NACC1: variants seen among roughly 807,000 people sequenced by gnomAD.
NACC1 encodes nucleus accumbens associated 1.
In NACC1, 6 loss-of-function variants were observed where a neutral mutation model predicts 41.7. The observed-to-expected ratio is 0.14, with a 90% CI of 0.08 to 0.28. NACC1 has a LOEUF of 0.28. Among genes scored for constraint, NACC1 ranks in the 10% least tolerant of loss-of-function variants. The pLI, the probability that NACC1 is intolerant of heterozygous loss-of-function variation, is 1.00. For synonymous variants in NACC1, 338 were observed against 330.6 expected (o/e 1.02, Z -0.24); for missense variants, 434 against 763.7 (o/e 0.57, Z 5.09).
rs1156826539 is a variant in NACC1, at chr19:13,138,200, G to A, written c.1378G>A (p.Ala460Thr). The change falls in exon 6 of 6, where the codon GCG becomes ACG. Residue 460 changes from alanine to threonine, a missense_variant. Ala to Thr is a moderately conservative substitution (Grantham distance 58). Coordinates refer to ENST00000292431, the MANE Select transcript of NACC1 (RefSeq NM_052876.4). This position sits in a 1 kb window ranked among gnomAD's most constrained non-coding sequence, Gnocchi z 5.7. ...NFKESEMNAIAADMCTNARRV... is the reference protein window; with the variant it reads ...NFKESEMNAITADMCTNARRV... ...CAAGGAGAGCGAGATGAATGCCATC[G>A]CGGCCGACATGTGCACCAACGCCCG... 6.2e-7 allele frequency: 1 copy of A among 1,614,174 alleles called. No individual in the cohort carries two copies. The highest frequency in any genetic ancestry group is 8.5e-7 in the Non-Finnish European group (1 of 1,180,028).
At chr19:13,129,533 G>A (rs2019605540) in intron 1 of NACC1, among the ~76,000 whole-genome samples, 1 of 152,222 alleles carries the variant, frequency 6.6e-6, no homozygotes, top group African/African-American at 2.4e-5. Context: ...TGTCCACTCT[G>A]TGCGGGGGCC....
intron 1 of NACC1, among the ~76,000 whole-genome samples, chr19:13,128,715 C>T (rs1407803443): frequency 6.6e-6 from 1 of 152,246 alleles, no homozygotes; most frequent in African/African-American, 2.4e-5. Context: ...CTGTCTCCTG[C>T]TGGACTGTGA....
At chr19:13,130,423 C>T (rs1173460428) in intron 1 of NACC1, among the ~76,000 whole-genome samples, 3 of 151,818 alleles carry the variant, frequency 2.0e-5, no homozygotes, top group African/African-American at 7.3e-5. Flanking sequence ...TACTGAGCAT[C>T]TATTTCATTC....
rs2019741467 is a variant in NACC1, at chr19:13,138,626, A to AAC, written c.*227_*228dup. On this transcript the variant is annotated 3_prime_UTR_variant, in exon 6 of 6. Transcript: ENST00000292431. The surrounding 1 kb of genome is among the most constrained non-coding windows in gnomAD (Gnocchi z 5.7). ...GCGTGAGGTCCGTGTTGCCTTCTTT[A>AAC]ACACACACTCGTGCAGTGGGGGAGT... 1.6e-6 allele frequency: 1 copy of AAC among 634,060 alleles called. No homozygotes were observed. The highest frequency in any genetic ancestry group is 1.8e-5 in the African/African-American group (1 of 54,128). The allele number at this position is 634,060 out of a possible 1,614,324, so 39.3% of individuals were successfully genotyped here. A position where few individuals can be genotyped will look rare whatever the true frequency, so the allele number is the denominator to read the frequency against.
chr19:13,130,052 G>C (rs781082519), intron 1 of NACC1, among the ~76,000 whole-genome samples: 36 of 151,980 alleles, frequency 2.4e-4, no homozygotes, highest in African/African-American at 7.2e-4. Context: ...TGGGGTAGTG[G>C]GGTCGGGGGA....
chr19:13,137,290 A>G lies in NACC1; in HGVS notation c.1140A>G (p.Thr380=). ...CACCAGGCACCAACGTGTACATCAC[A>G]AGGGCGCAGCTGATGAACTGCCACG... ...ELVTGTNVYI[T]RAQLMNCHVS... is the part of the protein sequence containing the mutation. Residue 380 remains threonine, a synonymous_variant, in exon 4 of 6, where the codon ACA becomes ACG. Transcript: ENST00000292431. The surrounding 1 kb of genome is among the most constrained non-coding windows in gnomAD (Gnocchi z 6.1). The G allele has an allele frequency of 1.2e-6, 2 of 1,613,826 alleles. No individual in the cohort carries two copies. The highest frequency in any genetic ancestry group is 3.3e-5 in the Admixed American group (2 of 60,018).
rs999081915 is a variant in NACC1, at chr19:13,136,826, C to A, written c.1120+421C>A. On this transcript the variant is annotated intron_variant, in intron 3 of 5. Coordinates refer to ENST00000292431, the MANE Select transcript of NACC1 (RefSeq NM_052876.4). This position sits in a 1 kb window ranked among gnomAD's most constrained non-coding sequence, Gnocchi z 5.5. ...AGTGAGCTGTGGTGGCCACTGCACT[C>A]CAGCCTGGGTGACAGAGTGAGACTT... is the stretch of plus-strand genomic sequence containing the variant. Among the ~76,000 whole-genome samples, 6 of 152,106 alleles carry A rather than the reference C, an allele frequency of 3.9e-5. No individual in the cohort carries two copies. The highest frequency in any genetic ancestry group is 8.8e-5 in the Non-Finnish European group (6 of 68,022).
chr19:13,130,562 G>T (rs550171418), intron 1 of NACC1, among the ~76,000 whole-genome samples: 1 of 136,974 alleles, frequency 7.3e-6, no homozygotes, highest in Non-Finnish European at 1.5e-5. Flanking sequence ...TTGAGATGGA[G>T]TATCACTCTG....
At chr19:13,129,448 G>A (rs534422246) in intron 1 of NACC1, among the ~76,000 whole-genome samples, 4 of 142,526 alleles carry the variant, frequency 2.8e-5, no homozygotes, top group South Asian at 2.1e-4. Context: ...GGATTGGGCC[G>A]GATTGGGCCA....
At chr19:13,118,476 C>T (rs1447804810) in intron 1 of NACC1, 22 bp downstream of exon 1, 1 of 150,420 alleles carries the variant, frequency 6.6e-6, no homozygotes, top group Non-Finnish European at 1.5e-5. Flanking sequence ...CGCCTCAGGC[C>T]CGGTTCCGGC....
chr19:13,133,207 TACTC>T (rs1293477581), intron 1 of NACC1, among the ~76,000 whole-genome samples: 1 of 152,072 alleles, frequency 6.6e-6, no homozygotes, highest in Non-Finnish European at 1.5e-5. Context: ...AGATCTGCCT[TACTC>T]AGGGAAGCCT....
chr19:13,138,265 G>T lies in NACC1; in HGVS notation c.1443G>T (p.Val481=), dbSNP rs917078113. The change falls in exon 6 of 6, where the codon GTG becomes GTT. Residue 481 remains valine (V), a synonymous_variant. Transcript: ENST00000292431. This position sits in a 1 kb window ranked among gnomAD's most constrained non-coding sequence, Gnocchi z 5.7. ...AGAGCTGGATGCCCAAGGTCAAGGT[G>T]CTCAAGGCTGAGGATGACGCCTACA... ...VRKSWMPKVK[V]LKAEDDAYTT... 39 of 1,614,114 alleles carry T rather than the reference G, an allele frequency of 2.4e-5. No homozygotes were observed. The highest frequency in any genetic ancestry group is 3.3e-5 in the Non-Finnish European group (39 of 1,180,040).
intron 1 of NACC1, among the ~76,000 whole-genome samples, chr19:13,130,724 C>A (rs547188810): frequency 2.0e-5 from 3 of 151,774 alleles, no homozygotes; most frequent in Non-Finnish European, 4.4e-5. Flanking sequence ...TTAGTAGAGA[C>A]GGGGTTTCAC....
rs948692880 is a variant in NACC1 at position 13,137,023 on chromosome 19, C to A, written c.1121-248C>A. On this transcript the variant is annotated intron_variant, in intron 3 of 5. Coordinates refer to ENST00000292431, the MANE Select transcript of NACC1 (RefSeq NM_052876.4). The surrounding 1 kb of genome is among the most constrained non-coding windows in gnomAD (Gnocchi z 6.1). ...GGCACGACTGGCCACACAGCAGGCACCCCGAGGATGGTGAAGCAACCCTTT... is the reference window on the plus strand; with the variant it reads ...GGCACGACTGGCCACACAGCAGGCAACCCGAGGATGGTGAAGCAACCCTTT... Among the ~76,000 whole-genome samples the A allele has an allele frequency of 2.6e-5, 4 of 152,208 alleles. No individual in the cohort carries two copies. The highest frequency in any genetic ancestry group is 9.7e-5 in the African/African-American group (4 of 41,446).
chr19:13,135,359 G>A lies in NACC1; in HGVS notation c.152G>A (p.Ser51Asn), dbSNP rs768313870. The A allele has an allele frequency of 1.9e-6, 3 of 1,613,700 alleles. No homozygotes were observed. The East Asian group carries it at 6.7e-5, about 36-fold the overall frequency. Residue 51 changes from serine to asparagine, a missense_variant, in exon 2 of 6, where the codon AGC becomes AAC. Coordinates refer to ENST00000292431, the MANE Select transcript of NACC1 (RefSeq NM_052876.4). Reference protein sequence around the residue: ...FKAHRAVLAASSSYFRDLFNN... With the variant: ...FKAHRAVLAANSSYFRDLFNN... ...GCCCACCGGGCCGTGCTTGCTGCCA[G>A]CAGCTCCTACTTCCGGGACCTGTTC...
At chr19:13,119,475 G>A (rs2019461036) in intron 1 of NACC1, among the ~76,000 whole-genome samples, 1 of 152,088 alleles carries the variant, frequency 6.6e-6, no homozygotes, top group Non-Finnish European at 1.5e-5. Context: ...AGGCAGCCCA[G>A]CAGACGTTAC....
Sources: gnomAD v4.1 joint callset for allele counts (sites outside exome capture counted in the v4.1 genomes callset) on GRCh38, gnomAD v4.1.1 for gene constraint, Gnocchi (gnomAD v3.1) non-coding constraint, MANE v1.5 for transcripts, NCBI Gene and HGNC (gene_info 2026-07-23, HGNC 2026-07-21) for gene names.